Variants in CLIP2 observed in about 807,000 individuals in gnomAD.
CLIP2 encodes CAP-Gly domain-containing linker protein 2.
A neutral mutation model predicts 111.7 loss-of-function variants in CLIP2; 41 were observed. That is an observed-to-expected ratio of 0.37 (90% confidence interval 0.29 to 0.48). CLIP2 has a LOEUF of 0.48. Among genes scored for constraint, CLIP2 ranks in the 20% least tolerant of loss-of-function variants. The pLI is 0.99. For missense variants in CLIP2, 1,160 were observed against 1,422.1 expected, an observed-to-expected ratio of 0.82 and a Z score of 2.96; for synonymous variants, 660 against 644.2, an observed-to-expected ratio of 1.02 and a Z score of -0.37.
chr7:74,307,355 A>G (rs998583531), intron 1 of CLIP2, among the ~76,000 whole-genome samples: 1 of 152,200 alleles, frequency 6.6e-6, no homozygotes, highest in Non-Finnish European at 1.5e-5. Flanking sequence ...GCCACTTAGC[A>G]GTGTGTGACT....
intron 2 of CLIP2, among the ~76,000 whole-genome samples, chr7:74,334,609 G>T (rs1226358756): frequency 6.6e-6 from 1 of 152,114 alleles, no homozygotes. Context: ...AGCTCTCTCT[G>T]CATAGGAAAG....
intron 16 of CLIP2, 135 bp downstream of exon 16, chr7:74,401,702 G>T (rs782704329): frequency 1.3e-5 from 12 of 894,292 alleles, no homozygotes; most frequent in Non-Finnish European, 3.6e-6. Flanking sequence ...CCTCAGGGAG[G>T]GTGCTGTTGC....
In CLIP2 at chr7:74,400,565, G is replaced by A. The variant is rs782069627; in HGVS notation, c.3066+10G>A. ...CCCTGACAAGGCCCAGGTGAGCCGC[G>A]GCTGACAGGGCCCACCAGGAGGCAA... On this transcript the variant is annotated intron_variant, in intron 15 of 16. Transcript: ENST00000223398. 5.0e-5 allele frequency: 76 copies of A among 1,533,130 alleles called. No individual in the cohort carries two copies. In the Admixed American group the frequency reaches 1.4e-3, roughly 27 times the overall value. 95.0% of individuals were successfully genotyped at this position (1,533,130 alleles called of 1,614,324 possible).
intron 2 of CLIP2, among the ~76,000 whole-genome samples, chr7:74,335,984 C>T (rs535776799): frequency 8.9e-5 from 12 of 134,520 alleles, no homozygotes; most frequent in Middle Eastern, 3.7e-3. Flanking sequence ...CCTCGTGATC[C>T]GCCCGCCTCG....
rs548145364 is a variant in CLIP2, at chr7:74,339,059, C to T, written c.678+55C>T. The T allele has an allele frequency of 8.5e-6, 13 of 1,521,854 alleles. No individual in the cohort carries two copies. The South Asian group carries it at 9.9e-5, about 12-fold the overall frequency. 94.3% of individuals were successfully genotyped at this position (1,521,854 alleles called of 1,614,324 possible). A position where few individuals can be genotyped will look rare whatever the true frequency, so the allele number is the denominator to read the frequency against. On this transcript the variant is annotated intron_variant, in intron 3 of 16. Coordinates refer to ENST00000223398, the MANE Select transcript of CLIP2 (RefSeq NM_003388.5). ...CCAGCTTCCCTTCCCTCCCCTGCTC[C>T]GCCCCACTTGGCGAAGCTGGACCCC...
At chr7:74,327,105 G>A (rs1207959270) in intron 2 of CLIP2, among the ~76,000 whole-genome samples, 1 of 151,930 alleles carries the variant, frequency 6.6e-6, no homozygotes, top group Non-Finnish European at 1.5e-5. Flanking sequence ...GTTCTTCAAA[G>A]TTTGTTTTGT....
chr7:74,361,690 T>G (rs1554309822), intron 7 of CLIP2, among the ~76,000 whole-genome samples: 1 of 152,148 alleles, frequency 6.6e-6, no homozygotes, highest in Non-Finnish European at 1.5e-5. Flanking sequence ...GCTAATTTTT[T>G]GTATCCATTC....
Position 74,376,884 on chromosome 7 carries a change from C to T in CLIP2, c.2421+62C>T. 7.1e-7 allele frequency: 1 copy of T among 1,413,872 alleles called. No individual in the cohort carries two copies. Among genetic ancestry groups the T allele is most frequent in the Non-Finnish European group, 9.4e-7 (1 of 1,062,762 alleles). The allele number at this position is 1,413,872 out of a possible 1,614,324, so 87.6% of individuals were successfully genotyped here. A position where few individuals can be genotyped will look rare whatever the true frequency, so the allele number is the denominator to read the frequency against. On this transcript the variant is annotated intron_variant, in intron 10 of 16. Coordinates refer to ENST00000223398, the MANE Select transcript of CLIP2 (RefSeq NM_003388.5). This position sits in a 1 kb window ranked among gnomAD's most constrained non-coding sequence, Gnocchi z 7.1. ...GGGCTGGGGAGGGCTTGGCCTTTTGCTGACCTCTGTTCTGCAGCCCAGGAA... is the reference window on the plus strand; with the variant it reads ...GGGCTGGGGAGGGCTTGGCCTTTTGTTGACCTCTGTTCTGCAGCCCAGGAA...
chr7:74,331,645 C>CTCACTG (rs1789284033), intron 2 of CLIP2, among the ~76,000 whole-genome samples: 1 of 139,592 alleles, frequency 7.2e-6, no homozygotes, highest in Admixed American at 8.0e-5. Flanking sequence ...GTGATCTCGG[C>CTCACTG]TCACTGCAGC....
intron 2 of CLIP2, among the ~76,000 whole-genome samples, chr7:74,334,721 T>C (rs1362812481): frequency 6.6e-6 from 1 of 151,340 alleles, no homozygotes; most frequent in Non-Finnish European, 1.5e-5. Context: ...AGCTTGCACC[T>C]ATAATCCCAG....
In CLIP2 at chr7:74,403,974, C is replaced by T. The variant is rs1791695895; in HGVS notation, c.*126C>T. 10 of 1,054,850 alleles carry T rather than the reference C, an allele frequency of 9.5e-6. No homozygotes were observed. The highest frequency in any genetic ancestry group is 2.5e-5 in the South Asian group (2 of 79,864). 65.3% of individuals were successfully genotyped at this position (1,054,850 alleles called of 1,614,324 possible). A position where few individuals can be genotyped will look rare whatever the true frequency, so the allele number is the denominator to read the frequency against. On this transcript the variant is annotated 3_prime_UTR_variant, in exon 17 of 17. Coordinates refer to ENST00000223398, the MANE Select transcript of CLIP2 (RefSeq NM_003388.5). Reference sequence around the variant, plus strand: ...GACAAAACAGTGTTTGTAACAATAACGTACTCACCGCCGCGGACAATCCCC... The same window carrying T: ...GACAAAACAGTGTTTGTAACAATAATGTACTCACCGCCGCGGACAATCCCC...
intron 7 of CLIP2, among the ~76,000 whole-genome samples, chr7:74,360,803 G>A (rs1434767220): frequency 1.3e-5 from 2 of 152,076 alleles, no homozygotes; most frequent in South Asian, 4.1e-4. Context: ...CACCCGCCTC[G>A]GCCTCCCAAA....
chr7:74,399,165 G>C (rs910732296), intron 14 of CLIP2, among the ~76,000 whole-genome samples: 2 of 152,194 alleles, frequency 1.3e-5, no homozygotes, highest in Non-Finnish European at 2.9e-5. Context: ...GGGCCTTGGG[G>C]CAGGTACAGC....
chr7:74,315,351 C>CT (rs56948462), intron 1 of CLIP2, among the ~76,000 whole-genome samples: 23,559 of 147,472 alleles, frequency 0.16, 4,067 homozygotes, highest in African/African-American at 0.42. Flanking sequence ...GCATCACACA[C>CT]TTTTTTTTTT....
intron 11 of CLIP2, among the ~76,000 whole-genome samples, chr7:74,384,706 G>C (rs1471693144): frequency 1.3e-5 from 2 of 151,834 alleles, no homozygotes; most frequent in Non-Finnish European, 2.9e-5. Context: ...TCGGCCTCCT[G>C]AAGTGCTGGG....
chr7:74,375,826 C>A, intron 9 of CLIP2, 61 bp from the exon 10 acceptor site: 1 of 1,398,176 alleles, frequency 7.2e-7, no homozygotes. Flanking sequence ...ACCATTGTGC[C>A]CTCCTTACCT....
At chr7:74,359,786 C>T (rs1431084294) in intron 6 of CLIP2, among the ~76,000 whole-genome samples, 8 of 152,314 alleles carry the variant, frequency 5.3e-5, no homozygotes, top group East Asian at 1.9e-4. Flanking sequence ...TGGGAGAGTT[C>T]CCTTCTGGGC....
intron 1 of CLIP2, among the ~76,000 whole-genome samples, chr7:74,290,587 T>G (rs1157337035): frequency 6.6e-6 from 1 of 152,070 alleles, no homozygotes; most frequent in Admixed American, 6.5e-5. Flanking sequence ...CAGCAGTGTG[T>G]CCCCCAACGT....
At chr7:74,324,030 C>T (rs542954742) in intron 2 of CLIP2, among the ~76,000 whole-genome samples, 57 of 151,902 alleles carry the variant, frequency 3.8e-4, no homozygotes, top group African/African-American at 1.1e-3. Flanking sequence ...GATGGAATCT[C>T]GCTCTTTCGC....
Sources: gnomAD v4.1 joint callset for allele counts (sites outside exome capture counted in the v4.1 genomes callset) on GRCh38, gnomAD v4.1.1 for gene constraint, Gnocchi (gnomAD v3.1) non-coding constraint, MANE v1.5 for transcripts, NCBI Gene and HGNC (gene_info 2026-07-23, HGNC 2026-07-21) for gene names.